PHGR1: variants seen among roughly 807,000 people sequenced by gnomAD.
PHGR1 encodes proline, histidine and glycine-rich protein 1.
In PHGR1, 3 loss-of-function variants were observed where a neutral mutation model predicts 4.9. The observed-to-expected ratio is 0.61, with a 90% CI of 0.28 to 1.58. The LOEUF (loss-of-function observed/expected upper bound fraction) is 1.58, where lower values mean the gene tolerates loss of function less well. PHGR1 is among the 40% of genes most tolerant of loss of function. The probability of loss-of-function intolerance (pLI) is 0.11; values close to 1 mark genes in which losing one functional copy is unlikely to be tolerated. For synonymous variants in PHGR1, 32 were observed against 46.1 expected, an observed-to-expected ratio of 0.69 and a Z score of 1.24; for missense variants, 81 against 118.7, an observed-to-expected ratio of 0.68 and a Z score of 1.48.
chr15:40,355,510 GAATA>G (rs1889279028), intron 3 of PHGR1, among the ~76,000 whole-genome samples: 1 of 152,056 alleles, frequency 6.6e-6, no homozygotes, highest in Non-Finnish European at 1.5e-5. Context: ...CCTATAAAAA[GAATA>G]CATACATCCT....
chr15:40,353,126 T>G (rs1006810247), intron 1 of PHGR1, 106 bp from the exon 2 acceptor site: 2 of 835,680 alleles, frequency 2.4e-6, no homozygotes, highest in Non-Finnish European at 3.8e-6. Context: ...TGTGTGTGTG[T>G]GTGTGTGTGT....
In PHGR1 at chr15:40,356,331, T is replaced by C; in HGVS notation, c.*28T>C. The stretch of plus-strand genomic sequence containing the variant: ...AAGTAGAAGAAAACAGGACACAAGA[T>C]GGCAAGCCTGAGAGAATTGCCCAGC... On this transcript the variant is annotated 3_prime_UTR_variant, in exon 4 of 4. Coordinates refer to ENST00000448599, the MANE Select transcript of PHGR1 (RefSeq NM_001145643.2). 1 of 1,549,620 alleles carries C rather than the reference T, an allele frequency of 6.5e-7. No homozygotes were observed. Among genetic ancestry groups the C allele is most frequent in the Non-Finnish European group, 8.7e-7 (1 of 1,146,480 alleles).
At chr15:40,355,950 C>T in intron 3 of PHGR1, 123 bp from the exon 4 acceptor site, 1 of 1,044,720 alleles carries the variant, frequency 9.6e-7, no homozygotes, top group South Asian at 1.4e-5. Context: ...CAGCCCTCCA[C>T]CGCAACTCCT....
intron 1 of PHGR1, among the ~76,000 whole-genome samples, chr15:40,352,326 G>C (rs1213023619): frequency 1.3e-5 from 2 of 152,170 alleles, no homozygotes; most frequent in Non-Finnish European, 1.5e-5. Flanking sequence ...CAGCAAACTT[G>C]TAAGTACCAG....
rs1411392213 is a variant in PHGR1 at position 40,351,070 on chromosome 15, C to G, written c.-27+8C>G. ...CCTGCTCTGCACTCTCAGGTAGGGA[C>G]CTGGCTCTACTTGCTGTTGGCTGGG... On this transcript the variant is annotated splice_region_variant and intron_variant, in intron 1 of 3. Coordinates refer to ENST00000448599, the MANE Select transcript of PHGR1 (RefSeq NM_001145643.2). 6.6e-6 allele frequency: 1 copy of G among 152,516 alleles called. No homozygotes were observed. The highest frequency in any genetic ancestry group is 2.4e-5 in the African/African-American group (1 of 41,436). 9.4% of individuals were successfully genotyped at this position (152,516 alleles called of 1,614,324 possible).
chr15:40,351,460 C>T (rs574920619), intron 1 of PHGR1, among the ~76,000 whole-genome samples: 1 of 152,294 alleles, frequency 6.6e-6, no homozygotes, highest in Non-Finnish European at 1.5e-5. Context: ...CTGAGGTTTT[C>T]TTTACCTCTC....
chr15:40,355,870 C>T (rs186725198), intron 3 of PHGR1, among the ~76,000 whole-genome samples: 12 of 152,348 alleles, frequency 7.9e-5, no homozygotes, highest in Non-Finnish European at 1.0e-4. Context: ...ATCTAGGTTG[C>T]TTGCCTTTTA....
chr15:40,356,163 C>A lies in PHGR1; in HGVS notation c.109C>A (p.His37Asn), dbSNP rs769726162. The change falls in exon 4 of 4, where the codon CAC (histidine) becomes AAC (asparagine). Residue 37 changes from histidine (H) to asparagine (N), a missense_variant. His to Asn is a moderately conservative substitution (Grantham distance 68, BLOSUM62 1). Transcript: ENST00000448599. ...HGPGPCGPPPHHGPGPCGPPP... is the reference protein window; with the variant it reads ...HGPGPCGPPPNHGPGPCGPPP... ...CCCAGGGCCCTGCGGGCCACCCCCCCACCATGGTCCAGGGCCCTGCGGGCC... is the reference window on the plus strand; with the variant it reads ...CCCAGGGCCCTGCGGGCCACCCCCCAACCATGGTCCAGGGCCCTGCGGGCC... The A allele has an allele frequency of 1.6e-5, 25 of 1,537,024 alleles. 2 individuals are homozygous for A. Among genetic ancestry groups the A allele is most frequent in the Admixed American group, 6.0e-5 (3 of 49,796 alleles).
rs1261194484 is a variant in PHGR1 at position 40,353,136 on chromosome 15, TGTGTGTGTGTGCGCGC to T, written c.-26-94_-26-79del. On this transcript the variant is annotated intron_variant, in intron 1 of 3. Transcript: ENST00000448599. ...GTGTGTGTGTGTGTGTGTGTGTGTG[TGTGTGTGTGTGCGCGC>T]GCGCGCGCATCCGTGGGAGGGAGAA... is the stretch of plus-strand genomic sequence containing the variant. The T allele has an allele frequency of 1.3e-5, 12 of 925,520 alleles. No individual in the cohort carries two copies. The South Asian group carries it at 1.7e-4, about 13-fold the overall frequency. The allele number at this position is 925,520 out of a possible 1,614,324, so 57.3% of individuals were successfully genotyped here.
Position 40,355,177 on chromosome 15 carries a change from A to AAC in PHGR1, c.18+826_18+827insCA, listed in dbSNP as rs1421544347. ...TGTGGCAAAAAGTTAAAAAAACAAA[A>AAC]AAAAAACAAAAAACTCCCCTGGCCT... On this transcript the variant is annotated intron_variant, in intron 3 of 3. Coordinates refer to ENST00000448599, the MANE Select transcript of PHGR1 (RefSeq NM_001145643.2). 4.6e-5 allele frequency among the ~76,000 whole-genome samples: 7 copies of AAC among 151,964 alleles called. No homozygotes were observed. In the East Asian group the frequency reaches 1.4e-3, roughly 29 times the overall value.
intron 3 of PHGR1, among the ~76,000 whole-genome samples, chr15:40,355,438 C>A (rs907061000): frequency 6.6e-6 from 1 of 152,188 alleles, no homozygotes; most frequent in African/African-American, 2.4e-5. Context: ...CCCATGCACA[C>A]GTACACAAAC....
intron 2 of PHGR1, 83 bp from the exon 3 acceptor site, chr15:40,354,262 G>A: frequency 6.8e-7 from 1 of 1,473,198 alleles, no homozygotes; most frequent in Non-Finnish European, 9.2e-7. Context: ...AAAATCCTTA[G>A]TGCCAGGGAG....
chr15:40,355,248 A>G (rs1595720276), intron 3 of PHGR1, among the ~76,000 whole-genome samples: 1 of 151,888 alleles, frequency 6.6e-6, no homozygotes, highest in African/African-American at 2.4e-5. Flanking sequence ...GTTAAACCAC[A>G]CTTTTTCCAG....
chr15:40,356,345 G>A lies in PHGR1; in HGVS notation c.*42G>A, dbSNP rs1419415970. ...AGGACACAAGATGGCAAGCCTGAGA[G>A]AATTGCCCAGCTGACCTGGAATGAG... On this transcript the variant is annotated 3_prime_UTR_variant, in exon 4 of 4. Transcript: ENST00000448599. 1 of 1,549,738 alleles carries A rather than the reference G, an allele frequency of 6.5e-7. No individual in the cohort carries two copies. Among genetic ancestry groups the A allele is most frequent in the Admixed American group, 2.0e-5 (1 of 50,986 alleles).
intron 2 of PHGR1, among the ~76,000 whole-genome samples, chr15:40,353,937 C>T (rs1222216698): frequency 6.9e-6 from 1 of 145,046 alleles, no homozygotes; most frequent in Admixed American, 6.7e-5. Context: ...ATACGTGGGG[C>T]GTGACAGGGG....
rs537753870 is a variant in PHGR1, at chr15:40,351,956, C to T, written c.-27+894C>T. ...TTCACCATATTGGACAGGCTGGTCT[C>T]GAACTCCTGACCTCAAATGATCCAC... is the stretch of plus-strand genomic sequence containing the variant. On this transcript the variant is annotated intron_variant, in intron 1 of 3. Transcript: ENST00000448599. Among the ~76,000 whole-genome samples the T allele has an allele frequency of 5.9e-5, 9 of 152,226 alleles. No homozygotes were observed. In the South Asian group the frequency reaches 1.0e-3, roughly 18 times the overall value.
intron 2 of PHGR1, chr15:40,353,546 G>A (rs1889242383): frequency 4.6e-6 from 2 of 437,808 alleles, no homozygotes; most frequent in South Asian, 3.0e-5. Flanking sequence ...GGGAGCTAGG[G>A]GTTATGCTCA....
At chr15:40,351,785 G>A (rs1295917099) in intron 1 of PHGR1, among the ~76,000 whole-genome samples, 1 of 152,060 alleles carries the variant, frequency 6.6e-6, no homozygotes, top group Non-Finnish European at 1.5e-5. Context: ...CACCCAGGCT[G>A]GAGTGCAGTG....
chr15:40,355,536 C>T (rs1429547168), intron 3 of PHGR1, among the ~76,000 whole-genome samples: 1 of 152,156 alleles, frequency 6.6e-6, no homozygotes, highest in Non-Finnish European at 1.5e-5. Flanking sequence ...ACCTTGCCAC[C>T]TCCTACCCTC....
Sources: gnomAD v4.1 joint callset for allele counts (sites outside exome capture counted in the v4.1 genomes callset) on GRCh38, gnomAD v4.1.1 for gene constraint, MANE v1.5 for transcripts, NCBI Gene and HGNC (gene_info 2026-07-23, HGNC 2026-07-21) for gene names.